EPB41: variants seen among roughly 807,000 people sequenced by gnomAD.
EPB41 encodes protein 4.1.
A neutral mutation model predicts 108.0 loss-of-function variants in EPB41; 65 were observed. That is an observed-to-expected ratio of 0.60 (90% CI 0.49 to 0.74). EPB41 has a LOEUF of 0.74. Ranked by LOEUF, EPB41 falls within the 30% of genes least tolerant of loss-of-function variation. The pLI, the probability that EPB41 is intolerant of heterozygous loss-of-function variation, is 0.00. For missense variants in EPB41, 875 were observed against 1,037.0 expected, an observed-to-expected ratio of 0.84 and a Z score of 2.15; for synonymous variants, 336 against 358.9, an observed-to-expected ratio of 0.94 and a Z score of 0.72.
chr1:29,058,530 C>T (rs948561144), intron 12 of EPB41, 59 bp from the exon 13 acceptor site: 4 of 1,452,544 alleles, frequency 2.8e-6, no homozygotes, highest in Non-Finnish European at 3.8e-6. Flanking sequence ...GGAAACAACA[C>T]TATTCATAGA....
chr1:29,060,806 G>A (rs1235153096), intron 15 of EPB41, among the ~76,000 whole-genome samples: 1 of 152,150 alleles, frequency 6.6e-6, no homozygotes, highest in Non-Finnish European at 1.5e-5. Context: ...TTTTCCAAGA[G>A]TATAAACTTC....
upstream of EPB41, chr1:28,910,968 C>G (rs528216183): frequency 1.1e-4 from 108 of 985,268 alleles, no homozygotes; most frequent in Middle Eastern, 2.6e-3. Context: ...TGGAGCAGAG[C>G]TGTTTCTGCC....
intron 17 of EPB41, among the ~76,000 whole-genome samples, chr1:29,106,144 T>G (rs531468224): frequency 6.6e-6 from 1 of 152,158 alleles, no homozygotes; most frequent in African/African-American, 2.4e-5. Context: ...GAGGAAACAT[T>G]GGTAAGAGGA....
rs1285089078 is a variant in EPB41, at chr1:29,018,993, A to C, written c.1124+551A>C. Among the ~76,000 whole-genome samples, 1 of 152,210 alleles carries C rather than the reference A, an allele frequency of 6.6e-6. No homozygotes were observed. The highest frequency in any genetic ancestry group is 2.4e-5 in the African/African-American group (1 of 41,454). ...TTTACAGTCAGTCTGAGCTGGGTTG[A>C]AATCTTGACGTTGGTTCCAACCTTG... On this transcript the variant is annotated intron_variant, in intron 7 of 20. Transcript: ENST00000343067. The surrounding 1 kb of genome is among the most constrained non-coding windows in gnomAD (Gnocchi z 4.4).
At chr1:28,915,021 A>G (rs2092504905) in intron 1 of EPB41, among the ~76,000 whole-genome samples, 1 of 150,926 alleles carries the variant, frequency 6.6e-6, no homozygotes, top group African/African-American at 2.4e-5. Context: ...GCGTCGCGGG[A>G]GTGTTGGAAA....
At chr1:29,053,394 C>A in intron 12 of EPB41, 82 bp downstream of exon 12, 1 of 1,420,124 alleles carries the variant, frequency 7.0e-7, no homozygotes, top group Non-Finnish European at 9.9e-7. Flanking sequence ...GTTTTCAAAG[C>A]AATTGCTTAT....
chr1:28,902,833 G>C (rs1236379431), intron 1 of EPB41, among the ~76,000 whole-genome samples: 1 of 152,112 alleles, frequency 6.6e-6, no homozygotes, highest in East Asian at 1.9e-4. Flanking sequence ...GTGTTCTTAG[G>C]CATGTCACTG....
intron 1 of EPB41, among the ~76,000 whole-genome samples, chr1:28,970,115 A>C (rs2095460159): frequency 6.6e-6 from 1 of 152,186 alleles, no homozygotes; most frequent in Non-Finnish European, 1.5e-5. Context: ...AAATATTCAA[A>C]CTGGTACTAA....
Position 29,098,005 on chromosome 1 carries a change from T to G in EPB41, c.2313+70T>G, listed in dbSNP as rs1663818080. ...ATTAATAACCTTTCTTCACAGAGTT[T>G]CTAGTCATTTATCGCCAAGAATACC... On this transcript the variant is annotated intron_variant, in intron 17 of 20. Coordinates refer to ENST00000343067, the MANE Select transcript of EPB41 (RefSeq NM_001376013.1). 65 of 1,605,876 alleles carry G rather than the reference T, an allele frequency of 4.0e-5. No individual in the cohort carries two copies. In the South Asian group the frequency reaches 7.2e-4, roughly 18 times the overall value.
intron 1 of EPB41, among the ~76,000 whole-genome samples, chr1:28,959,079 A>C (rs2095086301): frequency 6.6e-6 from 1 of 152,000 alleles, no homozygotes; most frequent in Non-Finnish European, 1.5e-5. Flanking sequence ...TGTTTTAGGA[A>C]GCAGCAAGTA....
At chr1:29,110,899 G>T (rs1227570094) in intron 18 of EPB41, among the ~76,000 whole-genome samples, 1 of 152,190 alleles carries the variant, frequency 6.6e-6, no homozygotes, top group East Asian at 1.9e-4. Context: ...GATCATGGTG[G>T]CTCATGCCTG....
At chr1:29,054,874 C>T (rs1445261393) in intron 12 of EPB41, among the ~76,000 whole-genome samples, 1 of 151,844 alleles carries the variant, frequency 6.6e-6, no homozygotes, top group East Asian at 1.9e-4. Flanking sequence ...CCCGTCTTTA[C>T]TAAAAATACA....
chr1:28,957,555 C>G (rs2095009906), intron 1 of EPB41, among the ~76,000 whole-genome samples: 2 of 152,106 alleles, frequency 1.3e-5, no homozygotes, highest in Non-Finnish European at 1.5e-5. Context: ...CAGTTGCATG[C>G]CACCACACCC....
At chr1:29,004,583 AG>A (rs2096365247) in intron 4 of EPB41, among the ~76,000 whole-genome samples, 1 of 152,234 alleles carries the variant, frequency 6.6e-6, no homozygotes, top group Admixed American at 6.5e-5. Flanking sequence ...CTGGCAAATT[AG>A]AAAGACGAAG....
At chr1:29,080,763 A>G (rs939379859) in intron 16 of EPB41, among the ~76,000 whole-genome samples, 2 of 152,204 alleles carry the variant, frequency 1.3e-5, no homozygotes, top group Admixed American at 6.5e-5. Context: ...CTTTTGCTCT[A>G]ATACTTAGCT....
At chr1:28,991,435 G>A (rs571034642) in intron 2 of EPB41, among the ~76,000 whole-genome samples, 1 of 151,988 alleles carries the variant, frequency 6.6e-6, no homozygotes, top group South Asian at 2.1e-4. Context: ...TGAGTGTGGT[G>A]GCTCATGCCT....
chr1:29,046,633 T>A (rs1643302588), intron 11 of EPB41, among the ~76,000 whole-genome samples: 1 of 152,188 alleles, frequency 6.6e-6, no homozygotes, highest in Non-Finnish European at 1.5e-5. Context: ...TCTTTCCCAA[T>A]TTTAGGGCAA....
chr1:28,923,755 A>T (rs2093280589), intron 1 of EPB41, among the ~76,000 whole-genome samples: 1 of 152,256 alleles, frequency 6.6e-6, no homozygotes, highest in African/African-American at 2.4e-5. Context: ...GAATAATTGC[A>T]TAATGATCAT....
intron 1 of EPB41, among the ~76,000 whole-genome samples, chr1:28,904,168 CTT>C (rs533536807): frequency 2.6e-4 from 34 of 132,130 alleles, no homozygotes; most frequent in Admixed American, 3.9e-4. Flanking sequence ...CCCGGCCCAG[CTT>C]TTTTTTTTTT....
Sources: allele counts gnomAD v4.1 joint callset (sites outside exome capture counted in the v4.1 genomes callset), GRCh38; gene constraint gnomAD v4.1.1; non-coding constraint Gnocchi (gnomAD v3.1); transcripts MANE v1.5; gene names NCBI Gene and HGNC (gene_info 2026-07-23, HGNC 2026-07-21).